TMEM266: variants seen among roughly 807,000 people sequenced by gnomAD.
TMEM266 encodes transmembrane protein 266.
A neutral mutation model predicts 50.5 loss-of-function variants in TMEM266; 33 were observed. The observed-to-expected ratio is 0.65, with a 90% CI of 0.50 to 0.87. The LOEUF is 0.87. Among genes scored for constraint, TMEM266 ranks in the 40% least tolerant of loss-of-function variants. The probability of loss-of-function intolerance (pLI) is 0.00; values close to 1 mark genes in which losing one functional copy is unlikely to be tolerated. For synonymous variants in TMEM266, 310 were observed against 292.3 expected, an observed-to-expected ratio of 1.06 and a Z score of -0.62; for missense variants, 655 against 695.1, an observed-to-expected ratio of 0.94 and a Z score of 0.65.
rs75770082 is a variant in TMEM266 at position 76,176,985 on chromosome 15, G to C, written c.768+1311G>C. Among the ~76,000 whole-genome samples, 491 of 152,322 alleles carry C rather than the reference G, an allele frequency of 3.2e-3. 18 individuals are homozygous for C. The East Asian group carries it at 0.083, about 26-fold the overall frequency. ...AAGCCCTGTGCCATGCCACCTCTTG[G>C]GTTTTGGTTGCGCTGTGCCCCTTGC... is the stretch of plus-strand genomic sequence containing the variant. On this transcript the variant is annotated intron_variant, in intron 8 of 10. Coordinates refer to ENST00000388942, the MANE Select transcript of TMEM266 (RefSeq NM_152335.3).
Position 76,130,515 on chromosome 15 carries a change from G to C in TMEM266, c.-96-3653G>C, listed in dbSNP as rs2037494124. Among the ~76,000 whole-genome samples, 5 of 152,276 alleles carry C rather than the reference G, an allele frequency of 3.3e-5. 1 individual carries two copies. The South Asian group carries it at 1.0e-3, about 31-fold the overall frequency. On this transcript the variant is annotated intron_variant, in intron 1 of 10. Coordinates refer to ENST00000388942, the MANE Select transcript of TMEM266 (RefSeq NM_152335.3). ...AGATCGCGCCAGCGCACTCCAGCCT[G>C]GGTGACAGTGAAACTGTGTCTCAAA...
intron 8 of TMEM266, among the ~76,000 whole-genome samples, chr15:76,183,890 G>A (rs1011328753): frequency 3.9e-5 from 6 of 152,176 alleles, no homozygotes; most frequent in African/African-American, 4.8e-5. Context: ...TGTCTTTCAC[G>A]TGGAGGAACC....
At chr15:76,067,531 G>A (rs2141981442) in intron 1 of TMEM266, among the ~76,000 whole-genome samples, 1 of 151,606 alleles carries the variant, frequency 6.6e-6, no homozygotes, top group East Asian at 1.9e-4. Flanking sequence ...TACTCGGGAG[G>A]CTGAGGCAGG....
intron 1 of TMEM266, among the ~76,000 whole-genome samples, chr15:76,109,942 G>T (rs2037143043): frequency 6.6e-6 from 1 of 151,666 alleles, no homozygotes; most frequent in African/African-American, 2.4e-5. Flanking sequence ...TTATAGGTGA[G>T]AGCCGCCATG....
chr15:76,192,202 A>AT, intron 9 of TMEM266, 45 bp downstream of exon 9: 1 of 1,384,530 alleles, frequency 7.2e-7, no homozygotes, highest in Non-Finnish European at 9.3e-7. Context: ...ACGGCCGGGG[A>AT]TCCCCCTCGC....
rs1424660009 is a variant in TMEM266 at position 76,160,900 on chromosome 15, GT to G, written c.456+738del. On this transcript the variant is annotated intron_variant, in intron 5 of 10. Transcript: ENST00000388942. The surrounding 1 kb of genome is among the most constrained non-coding windows in gnomAD (Gnocchi z 5.7). Reference sequence around the variant, plus strand: ...GCATGTCTGGGCAGCACATTCCTCTGTTTTTTCATGGCGGTGAGTGACACTT... The same window carrying G: ...GCATGTCTGGGCAGCACATTCCTCTGTTTTTCATGGCGGTGAGTGACACTT... 6.6e-6 allele frequency among the ~76,000 whole-genome samples: 1 copy of G among 152,186 alleles called. No individual in the cohort carries two copies. Among genetic ancestry groups the G allele is most frequent in the Admixed American group, 6.5e-5 (1 of 15,286 alleles).
intron 9 of TMEM266, among the ~76,000 whole-genome samples, chr15:76,197,589 T>A (rs2038674212): frequency 6.6e-6 from 1 of 152,276 alleles, no homozygotes; most frequent in Non-Finnish European, 1.5e-5. Flanking sequence ...TTTAGTCATA[T>A]GCACAGCTCT....
chr15:76,149,280 C>T (rs571049230), intron 3 of TMEM266, among the ~76,000 whole-genome samples: 2 of 152,268 alleles, frequency 1.3e-5, no homozygotes, highest in Non-Finnish European at 2.9e-5. Flanking sequence ...TTTTTCCTCC[C>T]CTTGTTTGTT....
chr15:76,086,848 C>G (rs2036783818), intron 1 of TMEM266, among the ~76,000 whole-genome samples: 1 of 151,700 alleles, frequency 6.6e-6, no homozygotes, highest in African/African-American at 2.4e-5. Context: ...TGGCCCATAA[C>G]CAGCCTGATT....
At chr15:76,069,674 G>A (rs897305434) in intron 1 of TMEM266, among the ~76,000 whole-genome samples, 2 of 151,942 alleles carry the variant, frequency 1.3e-5, no homozygotes, top group Non-Finnish European at 2.9e-5. Context: ...AAAAATTAGC[G>A]GGACATGGTG....
intron 9 of TMEM266, among the ~76,000 whole-genome samples, chr15:76,193,692 C>T (rs966689516): frequency 6.6e-6 from 1 of 152,236 alleles, no homozygotes; most frequent in East Asian, 1.9e-4. Context: ...GGGGAACCCA[C>T]CCCACCTCCA....
chr15:76,148,586 C>T (rs1214686846), intron 3 of TMEM266, among the ~76,000 whole-genome samples: 2 of 152,170 alleles, frequency 1.3e-5, no homozygotes, highest in Non-Finnish European at 2.9e-5. Flanking sequence ...CTGAGCACAG[C>T]CCACCTACAT....
intron 7 of TMEM266, among the ~76,000 whole-genome samples, chr15:76,171,638 G>A (rs2038190598): frequency 6.6e-6 from 1 of 152,236 alleles, no homozygotes; most frequent in East Asian, 1.9e-4. Flanking sequence ...CTGCAAACAA[G>A]TAGAGAAGGG....
At position 76,168,294 on chromosome 15, in the gene TMEM266, C is replaced by T. The variant is rs879506172; in HGVS notation, c.457-1522C>T. ...CAGAGAAGGCAACATGACTGTCCCC[C>T]ACAAGCATTCACCTTCCCATCCCTT... On this transcript the variant is annotated intron_variant, in intron 5 of 10. Transcript: ENST00000388942. This position sits in a 1 kb window ranked among gnomAD's most constrained non-coding sequence, Gnocchi z 4.4. Among the ~76,000 whole-genome samples, 2 of 152,236 alleles carry T rather than the reference C, an allele frequency of 1.3e-5. No individual in the cohort carries two copies. The highest frequency in any genetic ancestry group is 2.9e-5 in the Non-Finnish European group (2 of 68,040).
intron 9 of TMEM266, among the ~76,000 whole-genome samples, chr15:76,194,999 C>T (rs2038633694): frequency 6.6e-6 from 1 of 152,186 alleles, no homozygotes; most frequent in Non-Finnish European, 1.5e-5. Flanking sequence ...CTCCTTCCAC[C>T]CCAGCTTGCC....
intron 1 of TMEM266, among the ~76,000 whole-genome samples, chr15:76,070,458 A>G (rs1465097558): frequency 1.3e-5 from 2 of 152,206 alleles, no homozygotes; most frequent in East Asian, 3.8e-4. Flanking sequence ...GACAAGGAAG[A>G]AAGGAATTGA....
At position 76,096,405 on chromosome 15, in the gene TMEM266, T is replaced by A. The variant is rs189803215; in HGVS notation, c.-97+36389T>A. Among the ~76,000 whole-genome samples, 405 of 152,190 alleles carry A rather than the reference T, an allele frequency of 2.7e-3. 3 individuals carry two copies. The highest frequency in any genetic ancestry group is 3.7e-3 in the Non-Finnish European group (251 of 67,988). Reference sequence around the variant, plus strand: ...TCAGGAGCAGGTTGTTCAGTTTCCATGTAGTTGTGCAGTTTTGAGTGAGTT... The same window carrying A: ...TCAGGAGCAGGTTGTTCAGTTTCCAAGTAGTTGTGCAGTTTTGAGTGAGTT... On this transcript the variant is annotated intron_variant, in intron 1 of 10. Coordinates refer to ENST00000388942, the MANE Select transcript of TMEM266 (RefSeq NM_152335.3).
At chr15:76,175,696 C>T in intron 8 of TMEM266, 22 bp downstream of exon 8, 1 of 1,596,882 alleles carries the variant, frequency 6.3e-7, no homozygotes, top group Non-Finnish European at 8.6e-7. Flanking sequence ...CCACTTTCGG[C>T]TCTGTCCGTG....
Position 76,088,714 on chromosome 15 carries a change from A to G in TMEM266, c.-97+28698A>G, listed in dbSNP as rs558758231. 5.1e-3 allele frequency among the ~76,000 whole-genome samples: 768 copies of G among 151,762 alleles called. 2 individuals are homozygous for G. Among genetic ancestry groups the G allele is most frequent in the African/African-American group, 0.017 (703 of 41,360 alleles). On this transcript the variant is annotated intron_variant, in intron 1 of 10. Coordinates refer to ENST00000388942, the MANE Select transcript of TMEM266 (RefSeq NM_152335.3). ...CGGGAGGCTGAGGCAGGAGAATGGC[A>G]TGAACCCGGGAGGCGGAGCTTGCAG...
Sources: allele counts gnomAD v4.1 joint callset (sites outside exome capture counted in the v4.1 genomes callset), GRCh38; gene constraint gnomAD v4.1.1; non-coding constraint Gnocchi (gnomAD v3.1); transcripts MANE v1.5; gene names NCBI Gene and HGNC (gene_info 2026-07-23, HGNC 2026-07-21).